TRPS1: variants seen among roughly 807,000 people sequenced by gnomAD.
TRPS1 encodes the protein zinc finger transcription factor Trps1.
TRPS1 carries 6 observed loss-of-function variants against 101.2 expected under a neutral mutation model. The observed-to-expected ratio is 0.06, with a 90% CI of 0.03 to 0.12. The LOEUF (loss-of-function observed/expected upper bound fraction) is 0.12, where lower values mean the gene tolerates loss of function less well. Among genes scored for constraint, TRPS1 ranks in the 10% least tolerant of loss-of-function variants. The pLI is 1.00. For missense variants in TRPS1, 1,363 were observed against 1,567.0 expected (o/e 0.87, Z 2.20); for synonymous variants, 578 against 589.8 (o/e 0.98, Z 0.29).
intron 5 of TRPS1, among the ~76,000 whole-genome samples, chr8:115,436,375 C>T (rs1813453756): frequency 6.6e-6 from 1 of 152,072 alleles, no homozygotes; most frequent in Non-Finnish European, 1.5e-5. Flanking sequence ...CTCTTTTAAA[C>T]AAGTCACGTG....
At chr8:115,455,974 C>G (rs766405275) in intron 5 of TRPS1, among the ~76,000 whole-genome samples, 1 of 151,538 alleles carries the variant, frequency 6.6e-6, no homozygotes, top group East Asian at 1.9e-4. Context: ...TTAGTAGAGA[C>G]AGGGTTTCAC....
At chr8:115,606,060 A>G (rs1818030729) in intron 3 of TRPS1, among the ~76,000 whole-genome samples, 1 of 152,218 alleles carries the variant, frequency 6.6e-6, no homozygotes, top group African/African-American at 2.4e-5. Flanking sequence ...CAGATGTAAT[A>G]TATTAAGCAA....
chr8:115,527,827 C>T (rs973225697), intron 5 of TRPS1, among the ~76,000 whole-genome samples: 1 of 152,016 alleles, frequency 6.6e-6, no homozygotes, highest in Non-Finnish European at 1.5e-5. Context: ...ATAAACTGTT[C>T]CTTCTAAATA....
chr8:115,662,727 T>C (rs1395419729), intron 1 of TRPS1, among the ~76,000 whole-genome samples: 5 of 151,176 alleles, frequency 3.3e-5, no homozygotes, highest in African/African-American at 1.2e-4. Flanking sequence ...AAATACTGTT[T>C]GATAAATAGG....
At chr8:115,488,519 CA>C (rs150889383) in intron 5 of TRPS1, among the ~76,000 whole-genome samples, 1 of 151,830 alleles carries the variant, frequency 6.6e-6, no homozygotes, top group African/African-American at 2.4e-5. Flanking sequence ...TGAAACCCCC[CA>C]AAAAATTAGC....
chr8:115,549,261 G>A (rs965423890), intron 5 of TRPS1, among the ~76,000 whole-genome samples: 1 of 152,064 alleles, frequency 6.6e-6, no homozygotes, highest in African/African-American at 2.4e-5. Flanking sequence ...AATGCTCAAG[G>A]CTTATGACAG....
At chr8:115,456,223 A>T (rs1179775468) in intron 5 of TRPS1, among the ~76,000 whole-genome samples, 1 of 152,198 alleles carries the variant, frequency 6.6e-6, no homozygotes, top group Non-Finnish European at 1.5e-5. Flanking sequence ...TATAAAGTGG[A>T]GAAGTAAAAA....
intron 1 of TRPS1, among the ~76,000 whole-genome samples, chr8:115,651,706 G>A (rs10505260): frequency 0.06 from 9,165 of 152,244 alleles, 378 homozygotes; most frequent in South Asian, 0.12. Flanking sequence ...GAGGTAGAGC[G>A]TTTCAGGAAG....
intron 5 of TRPS1, among the ~76,000 whole-genome samples, chr8:115,561,834 TA>T (rs993305566): frequency 1.4e-4 from 21 of 146,098 alleles, no homozygotes; most frequent in East Asian, 2.0e-4. Flanking sequence ...CAACCCCATC[TA>T]AAAAAAAAAG....
intron 5 of TRPS1, among the ~76,000 whole-genome samples, chr8:115,487,883 C>T (rs915319924): frequency 2.0e-5 from 3 of 152,142 alleles, no homozygotes; most frequent in African/African-American, 4.8e-5. Flanking sequence ...ATTACATCAA[C>T]GTAGTTGACA....
intron 5 of TRPS1, among the ~76,000 whole-genome samples, chr8:115,531,221 A>T (rs1816123351): frequency 6.6e-6 from 1 of 152,216 alleles, no homozygotes; most frequent in Admixed American, 6.5e-5. Context: ...AAATTTTGAG[A>T]AGGAAACATC....
At chr8:115,498,662 G>T (rs1815228306) in intron 5 of TRPS1, among the ~76,000 whole-genome samples, 1 of 151,742 alleles carries the variant, frequency 6.6e-6, no homozygotes, top group African/African-American at 2.4e-5. Flanking sequence ...GTATTTGAAA[G>T]AAAAAGTTAG....
At chr8:115,469,618 CCTCCCAAGTAGCTGGAAG>C (rs113894681) in intron 5 of TRPS1, among the ~76,000 whole-genome samples, 4,902 of 152,120 alleles carry the variant, frequency 0.032, 252 homozygotes, top group African/African-American at 0.11. Context: ...CCTGCCTCAG[CCTCCCAAGTAGCTGGAAG>C]CTCCCAAGTA....
intron 5 of TRPS1, among the ~76,000 whole-genome samples, chr8:115,573,842 A>G (rs982214399): frequency 2.6e-5 from 4 of 152,112 alleles, no homozygotes; most frequent in Non-Finnish European, 4.4e-5. Flanking sequence ...GTAATCTTAC[A>G]TTGTTTCTTC....
At chr8:115,468,191 T>C (rs1273157087) in intron 5 of TRPS1, among the ~76,000 whole-genome samples, 1 of 152,222 alleles carries the variant, frequency 6.6e-6, no homozygotes, top group African/African-American at 2.4e-5. Context: ...GAATTTTCAA[T>C]TATCTTCAAA....
At chr8:115,446,689 T>G (rs62512980) in intron 5 of TRPS1, among the ~76,000 whole-genome samples, 16 of 152,174 alleles carry the variant, frequency 1.1e-4, no homozygotes, top group Non-Finnish European at 2.1e-4. Context: ...TCTAGAATCC[T>G]CGAATGTTAG....
chr8:115,415,108 TA>T, intron 6 of TRPS1, 24 bp from the exon 7 acceptor site: 1 of 1,578,792 alleles, frequency 6.3e-7, no homozygotes. Context: ...ATACAATACA[TA>T]AAAGGAAAAC....
At chr8:115,511,696 A>T (rs1457117007) in intron 5 of TRPS1, among the ~76,000 whole-genome samples, 1 of 151,948 alleles carries the variant, frequency 6.6e-6, no homozygotes, top group African/African-American at 2.4e-5. Flanking sequence ...TTATATGATA[A>T]AAGTGAGAGG....
chr8:115,611,255 G>T (rs1178758470), intron 3 of TRPS1, among the ~76,000 whole-genome samples: 1 of 152,098 alleles, frequency 6.6e-6, no homozygotes, highest in East Asian at 1.9e-4. Context: ...CATCCAACCT[G>T]CAGGTGCTGC....
Sources: gnomAD v4.1 joint callset for allele counts (sites outside exome capture counted in the v4.1 genomes callset) on GRCh38, gnomAD v4.1.1 for gene constraint, MANE v1.5 for transcripts, NCBI Gene and HGNC (gene_info 2026-07-23, HGNC 2026-07-21) for gene names.